PRKAG2: variants seen among roughly 807,000 people sequenced by gnomAD.
The protein encoded by PRKAG2 is 5'-AMP-activated protein kinase subunit gamma-2.
In PRKAG2, 26 loss-of-function variants were observed where a neutral mutation model predicts 69.6. The ratio of observed to expected loss-of-function variants is 0.37; its 90% confidence interval spans 0.27 to 0.52. The LOEUF is 0.52. Among genes scored for constraint, PRKAG2 ranks in the 20% least tolerant of loss-of-function variants. The probability of loss-of-function intolerance (pLI) is 0.90; values close to 1 mark genes in which losing one functional copy is unlikely to be tolerated. For missense variants in PRKAG2, 557 were observed against 740.0 expected (o/e 0.75, Z 2.87); for synonymous variants, 293 against 285.0 (o/e 1.03, Z -0.28).
Position 151,638,282 on chromosome 7 carries a change from GAGA to G in PRKAG2, c.685-6147_685-6145del, listed in dbSNP as rs1826073112. Among the ~76,000 whole-genome samples the G allele has an allele frequency of 3.3e-5, 5 of 152,182 alleles. No individual in the cohort carries two copies. Among genetic ancestry groups the G allele is most frequent in the African/African-American group, 1.2e-4 (5 of 41,448 alleles). ...AGAGGGACCCAAGTTGGACTTTATGGAGAGAATGCCTGAGAAACATGGAGCCAT... is the reference window on the plus strand; with the variant it reads ...AGAGGGACCCAAGTTGGACTTTATGGGAATGCCTGAGAAACATGGAGCCAT... On this transcript the variant is annotated intron_variant, in intron 4 of 15. Transcript: ENST00000287878. The surrounding 1 kb of genome is among the most constrained non-coding windows in gnomAD (Gnocchi z 4.3).
At position 151,714,133 on chromosome 7, in the gene PRKAG2, T is replaced by C. The variant is rs117005256; in HGVS notation, c.467-38496A>G. On this transcript the variant is annotated intron_variant, in intron 3 of 15. Transcript: ENST00000287878. ...TAGGTAGCTGAACAGGTGATCTCCA[T>C]TGGAGTACGGGCTTTACGGGGTTGT... Among the ~76,000 whole-genome samples, 550 of 152,202 alleles carry C rather than the reference T, an allele frequency of 3.6e-3. 1 individual carries two copies. The highest frequency in any genetic ancestry group is 6.8e-3 in the Middle Eastern group (2 of 294).
At chr7:151,740,873 C>T (rs572840786) in intron 3 of PRKAG2, among the ~76,000 whole-genome samples, 5 of 152,240 alleles carry the variant, frequency 3.3e-5, no homozygotes, top group African/African-American at 1.2e-4. Context: ...AAACAAGCCG[C>T]GAAATCTACC....
At chr7:151,755,038 C>T (rs1425936689) in intron 3 of PRKAG2, among the ~76,000 whole-genome samples, 1 of 152,058 alleles carries the variant, frequency 6.6e-6, no homozygotes, top group Non-Finnish European at 1.5e-5. Flanking sequence ...CGATGGAGAC[C>T]CCGTGAAGCC....
At chr7:151,704,909 T>C (rs1469357107) in intron 3 of PRKAG2, among the ~76,000 whole-genome samples, 2 of 152,184 alleles carry the variant, frequency 1.3e-5, no homozygotes, top group Non-Finnish European at 2.9e-5. Flanking sequence ...TATGATTTAG[T>C]GGACAGACCA....
chr7:151,860,942 G>C (rs1563762149), intron 1 of PRKAG2, among the ~76,000 whole-genome samples: 2 of 152,140 alleles, frequency 1.3e-5, no homozygotes, highest in Admixed American at 6.6e-5. Flanking sequence ...CTTCTAGGTA[G>C]AGCTTGCCAG....
In PRKAG2 at chr7:151,795,890, T is replaced by TATATAAAA. The variant is rs1491286413; in HGVS notation, c.115-9350_115-9349insTTTTATAT. On this transcript the variant is annotated intron_variant, in intron 1 of 15. Coordinates refer to ENST00000287878, the MANE Select transcript of PRKAG2 (RefSeq NM_016203.4). ...ATATATATATATATATATATATATA[T>TATATAAAA]CACGATAATATGTATATGTAATCAT... Among the ~76,000 whole-genome samples the TATATAAAA allele has an allele frequency of 2.2e-3, 217 of 96,566 alleles. 3 individuals are homozygous for TATATAAAA. Among genetic ancestry groups the TATATAAAA allele is most frequent in the African/African-American group, 8.6e-3 (196 of 22,730 alleles). 63.4% of individuals were successfully genotyped at this position (96,566 alleles called of 152,430 possible). A position where few individuals can be genotyped will look rare whatever the true frequency, so the allele number is the denominator to read the frequency against.
chr7:151,819,089 G>A (rs1001425273), intron 1 of PRKAG2, among the ~76,000 whole-genome samples: 2 of 152,196 alleles, frequency 1.3e-5, no homozygotes, highest in Non-Finnish European at 2.9e-5. Flanking sequence ...GATGGCACAG[G>A]CTGCAGCCCC....
chr7:151,797,995 CTTTG>C (rs529939927), intron 1 of PRKAG2, among the ~76,000 whole-genome samples: 93 of 152,308 alleles, frequency 6.1e-4, no homozygotes, highest in Admixed American at 9.8e-4. Context: ...ATAAAATGTA[CTTTG>C]TTTGTTTGTT....
At chr7:151,571,801 G>T (rs781412421) in intron 9 of PRKAG2, among the ~76,000 whole-genome samples, 1 of 152,152 alleles carries the variant, frequency 6.6e-6, no homozygotes, top group Non-Finnish European at 1.5e-5. Context: ...GGGTGTAAGA[G>T]AACTCCAAGA....
At chr7:151,683,299 G>A (rs1028217595) in intron 3 of PRKAG2, among the ~76,000 whole-genome samples, 27 of 152,306 alleles carry the variant, frequency 1.8e-4, no homozygotes, top group African/African-American at 4.1e-4. Flanking sequence ...CTGCTGGAAC[G>A]GAATAGCTGT....
At chr7:151,695,381 C>T (rs1836436212) in intron 3 of PRKAG2, among the ~76,000 whole-genome samples, 1 of 152,186 alleles carries the variant, frequency 6.6e-6, no homozygotes, top group South Asian at 2.1e-4. Context: ...GGGGAGAAGG[C>T]CAAATGCCCT....
chr7:151,828,152 G>A lies in PRKAG2; in HGVS notation c.115-41611C>T, dbSNP rs2078950055. Among the ~76,000 whole-genome samples the A allele has an allele frequency of 6.6e-6, 1 of 152,230 alleles. No individual in the cohort carries two copies. The highest frequency in any genetic ancestry group is 6.5e-5 in the Admixed American group (1 of 15,288). The stretch of plus-strand genomic sequence containing the variant: ...CCAGGGGAGCCCCGACCCCAGGCTG[G>A]CCCTGGAATGAGTGCAACTCTTTGT... On this transcript the variant is annotated intron_variant, in intron 1 of 15. Coordinates refer to ENST00000287878, the MANE Select transcript of PRKAG2 (RefSeq NM_016203.4). This position sits in a 1 kb window ranked among gnomAD's most constrained non-coding sequence, Gnocchi z 4.6.
At chr7:151,572,040 T>C (rs1007179982) in intron 9 of PRKAG2, among the ~76,000 whole-genome samples, 3 of 152,176 alleles carry the variant, frequency 2.0e-5, no homozygotes, top group Non-Finnish European at 4.4e-5. Context: ...CCATGACAAG[T>C]GTCAGTGAGA....
At chr7:151,642,573 A>G (rs917686283) in intron 4 of PRKAG2, among the ~76,000 whole-genome samples, 4 of 152,236 alleles carry the variant, frequency 2.6e-5, no homozygotes, top group African/African-American at 9.6e-5. Flanking sequence ...CTTTTAATCA[A>G]TATATTTGGA....
At position 151,556,137 on chromosome 7, in the gene PRKAG2, G is replaced by GA. The variant is rs1803748762; in HGVS notation, c.*1063dup. 7.1e-6 allele frequency: 1 copy of GA among 141,520 alleles called. No homozygotes were observed. The highest frequency in any genetic ancestry group is 7.1e-5 in the Admixed American group (1 of 14,020). The allele number at this position is 141,520 out of a possible 1,614,324, so 8.8% of individuals were successfully genotyped here. A position where few individuals can be genotyped will look rare whatever the true frequency, so the allele number is the denominator to read the frequency against. On this transcript the variant is annotated 3_prime_UTR_variant, in exon 16 of 16. Coordinates refer to ENST00000287878, the MANE Select transcript of PRKAG2 (RefSeq NM_016203.4). The stretch of plus-strand genomic sequence containing the variant: ...TCTTTAACAAAATGGTAGATAGTAG[G>GA]ATCTATTTTAATTTTTCAATCTGAA...
chr7:151,841,529 A>G (rs1349216790), intron 1 of PRKAG2, among the ~76,000 whole-genome samples: 3 of 146,452 alleles, frequency 2.0e-5, no homozygotes, highest in African/African-American at 7.8e-5. Context: ...TAGGGATGGT[A>G]GGGATGGTAG....
At chr7:151,863,326 C>T (rs532920751) in intron 1 of PRKAG2, among the ~76,000 whole-genome samples, 1 of 152,110 alleles carries the variant, frequency 6.6e-6, no homozygotes, top group African/African-American at 2.4e-5. Context: ...TGCCCTCACC[C>T]GACGGGATCC....
intron 3 of PRKAG2, among the ~76,000 whole-genome samples, chr7:151,702,945 A>C (rs1274203887): frequency 1.3e-5 from 2 of 152,160 alleles, no homozygotes; most frequent in Non-Finnish European, 2.9e-5. Context: ...AGTAGAGTGA[A>C]TGTCAAACTG....
Position 151,829,828 on chromosome 7 carries a change from C to T in PRKAG2, c.115-43287G>A, listed in dbSNP as rs974561708. ...TGCAGCGGGGGAGGGCATAAGAGGA[C>T]GGGGTTGACGGGGGGAAGCCAGGCA... On this transcript the variant is annotated intron_variant, in intron 1 of 15. Transcript: ENST00000287878. Among the ~76,000 whole-genome samples, 4 of 151,420 alleles carry T rather than the reference C, an allele frequency of 2.6e-5. No individual in the cohort carries two copies. The East Asian group carries it at 5.8e-4, about 22-fold the overall frequency.
Sources: allele counts gnomAD v4.1 joint callset (sites outside exome capture counted in the v4.1 genomes callset), GRCh38; gene constraint gnomAD v4.1.1; non-coding constraint Gnocchi (gnomAD v3.1); transcripts MANE v1.5; gene names NCBI Gene and HGNC (gene_info 2026-07-23, HGNC 2026-07-21).